Variants in ALG1L2 observed in about 807,000 individuals in gnomAD.
ALG1L2 encodes ALG1 chitobiosyldiphosphodolichol beta-mannosyltransferase like 2.
Under a neutral mutation model 29.0 loss-of-function variants are expected in ALG1L2, and 32 were observed. The observed-to-expected ratio is 1.10, with a 90% CI of 0.83 to 1.48. The LOEUF is 1.48. Ranked by LOEUF, ALG1L2 falls within the 40% of genes most tolerant of loss-of-function variation. The probability of loss-of-function intolerance (pLI) is 0.00; values close to 1 mark genes in which losing one functional copy is unlikely to be tolerated. For missense variants in ALG1L2, 318 were observed against 274.1 expected (o/e 1.16, Z -1.13); for synonymous variants, 110 against 109.5 (o/e 1.00, Z -0.03).
intron 1 of ALG1L2, chr3:130,090,965 G>A (rs1378785903): frequency 7.6e-6 from 3 of 397,220 alleles, no homozygotes; most frequent in East Asian, 5.6e-5. Flanking sequence ...GCAGTGCAGA[G>A]CCATGTGTGT....
In ALG1L2 at chr3:130,093,473, C is replaced by T. The variant is rs563398577; in HGVS notation, c.313+313C>T. On this transcript the variant is annotated intron_variant, in intron 4 of 7. Transcript: ENST00000425059. ...TGAGACAAAGACTCTGTCGCCCAGG[C>T]TGGGATGCAGTGGTGCGATCTCAGC... is the stretch of plus-strand genomic sequence containing the variant. Among the ~76,000 whole-genome samples, 717 of 148,218 alleles carry T rather than the reference C, an allele frequency of 4.8e-3. 4 individuals are homozygous for T. The highest frequency in any genetic ancestry group is 0.016 in the African/African-American group (659 of 40,120).
chr3:130,091,219 A>G (rs557189072), intron 1 of ALG1L2, 42 bp from the exon 2 acceptor site: 31 of 1,574,250 alleles, frequency 2.0e-5, no homozygotes, highest in Non-Finnish European at 3.4e-6. Context: ...AGTAGCCTCC[A>G]TGCTGGACTA....
intron 6 of ALG1L2, among the ~76,000 whole-genome samples, chr3:130,096,443 G>GA (rs71158167): frequency 0.016 from 2,421 of 149,576 alleles, 28 homozygotes; most frequent in Non-Finnish European, 0.024. Context: ...AACCCAGTAT[G>GA]AAAAAAAAAA....
chr3:130,096,212 C>T (rs759153918), intron 6 of ALG1L2, 49 bp downstream of exon 6: 18 of 1,592,244 alleles, frequency 1.1e-5, no homozygotes, highest in African/African-American at 9.4e-5. Context: ...ACAGATCCAC[C>T]GCTGAGGGGG....
At position 130,083,678 on chromosome 3, in the gene ALG1L2, A is replaced by G. The variant is rs191231978; in HGVS notation, c.20+1642A>G. 2.7e-3 allele frequency among the ~76,000 whole-genome samples: 372 copies of G among 138,472 alleles called. 1 individual carries two copies. Among genetic ancestry groups the G allele is most frequent in the African/African-American group, 9.1e-3 (363 of 40,026 alleles). The allele number at this position is 138,472 out of a possible 152,430, so 90.8% of individuals were successfully genotyped here. On this transcript the variant is annotated intron_variant, in intron 1 of 7. Transcript: ENST00000425059. ...GTTAACTTTTTTTTTACTTGGAAGG[A>G]CATTAAATAACAAATGAAAGCATCA...
At chr3:130,083,627 T>A (rs1934831408) in intron 1 of ALG1L2, among the ~76,000 whole-genome samples, 1 of 133,330 alleles carries the variant, frequency 7.5e-6, no homozygotes, top group Admixed American at 7.8e-5. Flanking sequence ...AGAGGAACAG[T>A]ATAATCCATG....
chr3:130,088,247 T>G (rs116280556), intron 1 of ALG1L2, among the ~76,000 whole-genome samples: 1 of 152,416 alleles, frequency 6.6e-6, no homozygotes, highest in African/African-American at 2.4e-5. Flanking sequence ...AGGAAGAAGA[T>G]GCCCAGCTCA....
In ALG1L2 at chr3:130,095,982, G is replaced by C. The variant is rs1267888297; in HGVS notation, c.425-67G>C. 6 of 1,485,252 alleles carry C rather than the reference G, an allele frequency of 4.0e-6. No homozygotes were observed. In the East Asian group the frequency reaches 7.1e-5, roughly 18 times the overall value. The allele number at this position is 1,485,252 out of a possible 1,614,324, so 92.0% of individuals were successfully genotyped here. On this transcript the variant is annotated intron_variant, in intron 5 of 7. Coordinates refer to ENST00000425059, the MANE Select transcript of ALG1L2 (RefSeq NM_001136152.1). ...TCCCCTCGGGGGGTGTTGCCTCACT[G>C]TGCTGGGAGGATTTGTGTTCCCGGG...
Position 130,098,334 on chromosome 3 carries a change from G to A in ALG1L2, c.*79G>A. 3 of 1,596,430 alleles carry A rather than the reference G, an allele frequency of 1.9e-6. No homozygotes were observed. The highest frequency in any genetic ancestry group is 2.5e-6 in the Non-Finnish European group (3 of 1,179,752). Reference sequence around the variant, plus strand: ...TCTGATGGGATGAGAGCTGGGTGCAGACTGTGCTCCCTTTGGTTATGGACA... The same window carrying A: ...TCTGATGGGATGAGAGCTGGGTGCAAACTGTGCTCCCTTTGGTTATGGACA... On this transcript the variant is annotated 3_prime_UTR_variant, in exon 8 of 8. Transcript: ENST00000425059.
At position 130,097,270 on chromosome 3, in the gene ALG1L2, C is replaced by T. The variant is rs773902680; in HGVS notation, c.615+20C>T. ...CTGCAGGTAGCCATGTCTGCCACCA[C>T]GCCAGGGTGGACAGGGTTCTGGAGA... On this transcript the variant is annotated intron_variant, in intron 7 of 7. Transcript: ENST00000425059. 1.3e-5 allele frequency: 21 copies of T among 1,604,130 alleles called. No individual in the cohort carries two copies. Among genetic ancestry groups the T allele is most frequent in the South Asian group, 4.4e-5 (4 of 90,966 alleles).
Position 130,091,351 on chromosome 3 carries a change from G to A in ALG1L2, c.111G>A (p.Thr37=), listed in dbSNP as rs191936561. 33 of 1,597,220 alleles carry A rather than the reference G, an allele frequency of 2.1e-5. No homozygotes were observed. The highest frequency in any genetic ancestry group is 5.3e-5 in the African/African-American group (4 of 74,944). ...GGCTCTTCATGAAGCTGGGCAGCACGCACTCTCCGTTCAGGGCCCGGTAGG... is the reference window on the plus strand; with the variant it reads ...GGCTCTTCATGAAGCTGGGCAGCACACACTCTCCGTTCAGGGCCCGGTAGG... ...QHRLFMKLGS[T]HSPFRARSEP... is the part of the protein sequence containing the mutation. Residue 37 remains threonine, a synonymous_variant, in exon 2 of 8, where the codon ACG becomes ACA. Transcript: ENST00000425059.
At chr3:130,091,448 G>A (rs1935011687) in intron 2 of ALG1L2, 77 bp downstream of exon 2, 1 of 1,444,810 alleles carries the variant, frequency 6.9e-7, no homozygotes, top group Admixed American at 1.9e-5. Context: ...TGCAGACCTG[G>A]GAACCCACTC....
rs748638777 is a variant in ALG1L2 at position 130,096,076 on chromosome 3, A to G, written c.452A>G (p.Asp151Gly). 7.6e-6 allele frequency: 12 copies of G among 1,577,772 alleles called. No individual in the cohort carries two copies. The highest frequency in any genetic ancestry group is 1.0e-5 in the Non-Finnish European group (12 of 1,162,960). ...LGSVDLDVCL[D>G]TSSSGLDLPM... ...TCGGTGGACCTGGATGTCTGTCTGGACACGTCCTCCAGTGGCCTGGACCTG... is the reference window on the plus strand; with the variant it reads ...TCGGTGGACCTGGATGTCTGTCTGGGCACGTCCTCCAGTGGCCTGGACCTG... The change falls in exon 6 of 8, where the codon GAC becomes GGC. Residue 151 changes from aspartate to glycine, a missense_variant. Asp to Gly is a moderately conservative substitution (Grantham distance 94, BLOSUM62 -1). Coordinates refer to ENST00000425059, the MANE Select transcript of ALG1L2 (RefSeq NM_001136152.1).
rs556179398 is a variant in ALG1L2, at chr3:130,092,147, C to A, written c.178C>A (p.Arg60=). The A allele has an allele frequency of 2.5e-6, 4 of 1,613,538 alleles. No homozygotes were observed. The highest frequency in any genetic ancestry group is 1.7e-5 in the Admixed American group (1 of 59,990). ...CACAGAGCGGTCGGCCTTCACGGAG[C>A]GGGATTCTGGGAGCGGGCTGGTGAC... The part of the protein sequence containing the change: ...PDTERSAFTE[R]DSGSGLVTRL... The change falls in exon 3 of 8, where the codon CGG becomes AGG. Residue 60 remains arginine (R), a synonymous_variant. Coordinates refer to ENST00000425059, the MANE Select transcript of ALG1L2 (RefSeq NM_001136152.1).
Position 130,098,095 on chromosome 3 carries a change from G to A in ALG1L2, c.616-128G>A, listed in dbSNP as rs181473001. The A allele has an allele frequency of 4.0e-6, 5 of 1,261,358 alleles. No homozygotes were observed. In the African/African-American group the frequency reaches 5.9e-5, roughly 15 times the overall value. The allele number at this position is 1,261,358 out of a possible 1,614,324, so 78.1% of individuals were successfully genotyped here. A position where few individuals can be genotyped will look rare whatever the true frequency, so the allele number is the denominator to read the frequency against. ...GGCGGAGCGCTGCTGGGGTGTGAAG[G>A]GTCTCAAGTCCAAGTGAGGGAGCTA... On this transcript the variant is annotated intron_variant, in intron 7 of 7. Coordinates refer to ENST00000425059, the MANE Select transcript of ALG1L2 (RefSeq NM_001136152.1).
At chr3:130,096,660 G>A (rs1356597576) in intron 6 of ALG1L2, among the ~76,000 whole-genome samples, 1 of 152,148 alleles carries the variant, frequency 6.6e-6, no homozygotes, top group East Asian at 1.9e-4. Flanking sequence ...GTTTGGAAGG[G>A]TGGAGTTAGA....
intron 1 of ALG1L2, 157 bp from the exon 2 acceptor site, chr3:130,091,104 G>C: frequency 1.5e-6 from 1 of 686,448 alleles, no homozygotes; most frequent in East Asian, 2.7e-5. Flanking sequence ...GATTCCTCAG[G>C]TCTTTAGGGG....
Position 130,097,435 on chromosome 3 carries a change from C to T in ALG1L2, c.615+185C>T, listed in dbSNP as rs548619382. Among the ~76,000 whole-genome samples the T allele has an allele frequency of 5.3e-5, 8 of 152,250 alleles. No individual in the cohort carries two copies. The East Asian group carries it at 9.7e-4, about 18-fold the overall frequency. On this transcript the variant is annotated intron_variant, in intron 7 of 7. Coordinates refer to ENST00000425059, the MANE Select transcript of ALG1L2 (RefSeq NM_001136152.1). ...CTGTCCCATTTCGGTACAGTAGGCT[C>T]GGTAAAGTTAGGACACAACCCCACC...
At position 130,094,280 on chromosome 3, in the gene ALG1L2, G is replaced by A. The variant is rs1285617926; in HGVS notation, c.314-123G>A. On this transcript the variant is annotated intron_variant, in intron 4 of 7. Coordinates refer to ENST00000425059, the MANE Select transcript of ALG1L2 (RefSeq NM_001136152.1). ...GGAAAGGCCCAGATAGGGCCTGACT[G>A]CAGCTGCCGAGGGGTGGAGCTTCTG... is the stretch of plus-strand genomic sequence containing the variant. 19 of 1,269,054 alleles carry A rather than the reference G, an allele frequency of 1.5e-5. No individual in the cohort carries two copies. The East Asian group carries it at 4.3e-4, about 29-fold the overall frequency. 78.6% of individuals were successfully genotyped at this position (1,269,054 alleles called of 1,614,324 possible).
Sources: gnomAD v4.1 joint callset for allele counts (sites outside exome capture counted in the v4.1 genomes callset) on GRCh38, gnomAD v4.1.1 for gene constraint, MANE v1.5 for transcripts, NCBI Gene and HGNC (gene_info 2026-07-23, HGNC 2026-07-21) for gene names.